LINGO2: variants seen among roughly 807,000 people sequenced by gnomAD.
LINGO2 encodes leucine-rich repeat and immunoglobulin-like domain-containing nogo receptor-interacting protein 2.
In LINGO2, 14 loss-of-function variants were observed where a neutral mutation model predicts 30.6. The ratio of observed to expected loss-of-function variants is 0.46; its 90% CI spans 0.30 to 0.72. LINGO2 has a LOEUF of 0.72. LINGO2 is among the 30% of genes least tolerant of loss of function. LINGO2 has a pLI of 0.07. For missense variants in LINGO2, 729 were observed against 751.7 expected (o/e 0.97, Z 0.35); for synonymous variants, 317 against 288.5 (o/e 1.10, Z -1.00).
chr9:28,148,461 C>T lies in LINGO2; in HGVS notation c.-86-136056G>A, dbSNP rs1410968942. ...GTGAGGGCAGAAGAGCCCAGAGAAG[C>T]AACGGAGGTGACAGACCAGGTAGAG... On this transcript the variant is annotated intron_variant, in intron 4 of 5. Transcript: ENST00000379992. This position sits in a 1 kb window ranked among gnomAD's most constrained non-coding sequence, Gnocchi z 5.1. The T allele has an allele frequency of 5.0e-6, 7 of 1,411,358 alleles. No homozygotes were observed. The highest frequency in any genetic ancestry group is 2.0e-5 in the Admixed American group (1 of 50,786). The allele number at this position is 1,411,358 out of a possible 1,614,324, so 87.4% of individuals were successfully genotyped here.
intron 1 of LINGO2, among the ~76,000 whole-genome samples, chr9:28,614,475 T>G (rs1272352080): frequency 6.6e-6 from 1 of 152,142 alleles, no homozygotes; most frequent in Non-Finnish European, 1.5e-5. Context: ...CACATTAATC[T>G]AGCATCCCTC....
the LINGO2 span, among the ~76,000 whole-genome samples, chr9:29,198,684 T>C: frequency 4.6e-5 from 7 of 152,150 alleles, no homozygotes; most frequent in Non-Finnish European, 8.8e-5. Flanking sequence ...AGTGAATTGT[T>C]AGCTACAGTC....
At chr9:28,125,202 C>T (rs1827203427) in intron 4 of LINGO2, among the ~76,000 whole-genome samples, 1 of 152,228 alleles carries the variant, frequency 6.6e-6, no homozygotes, top group East Asian at 1.9e-4. Context: ...CTTCTCAGTA[C>T]CAGAGGGAAG....
intron 1 of LINGO2, among the ~76,000 whole-genome samples, chr9:28,643,269 C>G (rs185519066): frequency 6.6e-6 from 1 of 152,152 alleles, no homozygotes; most frequent in East Asian, 1.9e-4. Flanking sequence ...GGAAAAATCA[C>G]ATGACCTGAC....
At chr9:29,136,954 G>T in the LINGO2 span, among the ~76,000 whole-genome samples, 1 of 152,120 alleles carries the variant, frequency 6.6e-6, no homozygotes, top group Non-Finnish European at 1.5e-5. Flanking sequence ...TATATACAGA[G>T]AGAGGTATCT....
At chr9:28,753,968 T>C in the LINGO2 span, among the ~76,000 whole-genome samples, 5 of 151,792 alleles carry the variant, frequency 3.3e-5, no homozygotes, top group African/African-American at 1.2e-4. Flanking sequence ...TTTTGATTTT[T>C]TTCCACTTTA....
At chr9:28,302,838 T>C (rs893853342) in intron 3 of LINGO2, among the ~76,000 whole-genome samples, 7 of 152,264 alleles carry the variant, frequency 4.6e-5, no homozygotes, top group Admixed American at 4.6e-4. Context: ...TCTCATTTAA[T>C]CTTCATAAAA....
At chr9:28,987,553 T>A in the LINGO2 span, among the ~76,000 whole-genome samples, 1 of 152,104 alleles carries the variant, frequency 6.6e-6, no homozygotes, top group Non-Finnish European at 1.5e-5. Context: ...TCTGCCTTCT[T>A]CTTTAATATT....
rs762609254 is a variant in LINGO2 at position 28,438,300 on chromosome 9, C to T, written c.-279+37640G>A. Among the ~76,000 whole-genome samples the T allele has an allele frequency of 4.6e-5, 7 of 152,216 alleles. No homozygotes were observed. In the South Asian group the frequency reaches 1.4e-3, roughly 32 times the overall value. On this transcript the variant is annotated intron_variant, in intron 2 of 5. Coordinates refer to ENST00000379992, the Ensembl canonical transcript of LINGO2. ...TGGAAGAGATTTGCATTTAAATCAGCAGATCTAGTAAAAAGATCCGCTATC... is the reference window on the plus strand; with the variant it reads ...TGGAAGAGATTTGCATTTAAATCAGTAGATCTAGTAAAAAGATCCGCTATC...
chr9:29,208,972 T>C, the LINGO2 span, among the ~76,000 whole-genome samples: 2 of 152,190 alleles, frequency 1.3e-5, no homozygotes, highest in African/African-American at 4.8e-5. Flanking sequence ...TGTTGAGTGA[T>C]AATCCTTTTT....
At chr9:28,255,808 C>T (rs184699097) in intron 4 of LINGO2, among the ~76,000 whole-genome samples, 3 of 152,188 alleles carry the variant, frequency 2.0e-5, no homozygotes, top group Non-Finnish European at 4.4e-5. Context: ...AATGTGTTCT[C>T]TCTATGAGAG....
chr9:28,614,906 G>A (rs1383504576), intron 1 of LINGO2, among the ~76,000 whole-genome samples: 2 of 152,032 alleles, frequency 1.3e-5, no homozygotes, highest in Non-Finnish European at 2.9e-5. Context: ...AGGTTAATTT[G>A]TTTACTGTGC....
chr9:28,390,427 C>A (rs1262896255), intron 2 of LINGO2, among the ~76,000 whole-genome samples: 1 of 152,108 alleles, frequency 6.6e-6, no homozygotes, highest in Non-Finnish European at 1.5e-5. Context: ...CTTTGTGTAT[C>A]AATTTATCAA....
chr9:28,828,275 T>A, the LINGO2 span, among the ~76,000 whole-genome samples: 1 of 151,968 alleles, frequency 6.6e-6, no homozygotes, highest in Non-Finnish European at 1.5e-5. Context: ...TTCCTTAGAA[T>A]AATGGTTTTA....
chr9:28,656,799 G>T (rs147305235), intron 1 of LINGO2, among the ~76,000 whole-genome samples: 11 of 152,168 alleles, frequency 7.2e-5, no homozygotes, highest in African/African-American at 2.6e-4. Context: ...AGTGTGATTT[G>T]TACTTTGTGA....
chr9:28,060,995 T>A (rs1171433845), intron 4 of LINGO2, among the ~76,000 whole-genome samples: 1 of 152,018 alleles, frequency 6.6e-6, no homozygotes, highest in Admixed American at 6.6e-5. Flanking sequence ...AGGCTTTTCT[T>A]CCTCTCCCCT....
chr9:28,479,956 T>TAC (rs1491144467), intron 1 of LINGO2, among the ~76,000 whole-genome samples: 1,795 of 104,798 alleles, frequency 0.017, 74 homozygotes, highest in East Asian at 0.029. Flanking sequence ...TATATATATA[T>TAC]GTACATTTTG....
intron 4 of LINGO2, among the ~76,000 whole-genome samples, chr9:28,157,549 T>C (rs916291127): frequency 2.0e-5 from 3 of 152,242 alleles, no homozygotes; most frequent in African/African-American, 7.2e-5. Flanking sequence ...GGCTCCTTGT[T>C]ACTTATGCAG....
At chr9:28,288,142 T>C (rs1823585597) in intron 4 of LINGO2, among the ~76,000 whole-genome samples, 1 of 152,142 alleles carries the variant, frequency 6.6e-6, no homozygotes, top group African/African-American at 2.4e-5. Flanking sequence ...TATATATAAA[T>C]GGCTTCATTT....
Sources: gnomAD v4.1 joint callset for allele counts (sites outside exome capture counted in the v4.1 genomes callset) on GRCh38, gnomAD v4.1.1 for gene constraint, Gnocchi (gnomAD v3.1) non-coding constraint, MANE v1.5 for transcripts, NCBI Gene and HGNC (gene_info 2026-07-23, HGNC 2026-07-21) for gene names.